Variants in ALK observed in about 807,000 individuals in gnomAD.
ALK encodes ALK tyrosine kinase receptor.
ALK carries 74 observed loss-of-function variants against 163.1 expected under a neutral mutation model. That is an observed-to-expected ratio of 0.45 (90% CI 0.38 to 0.55). ALK has a LOEUF of 0.55. Ranked by LOEUF, ALK falls within the 20% of genes least tolerant of loss-of-function variation. ALK has a pLI of 0.00. For missense variants in ALK, 2,063 were observed against 2,105.3 expected, an observed-to-expected ratio of 0.98 and a Z score of 0.39; for synonymous variants, 960 against 843.2, an observed-to-expected ratio of 1.14 and a Z score of -2.40.
chr2:29,402,576 G>A (rs1669474700), intron 4 of ALK, among the ~76,000 whole-genome samples: 1 of 152,154 alleles, frequency 6.6e-6, no homozygotes, highest in Non-Finnish European at 1.5e-5. Flanking sequence ...CGTATAATAG[G>A]TTTCTATTTT....
intron 4 of ALK, among the ~76,000 whole-genome samples, chr2:29,494,843 CGTGT>C (rs35306598): frequency 0.13 from 19,745 of 147,038 alleles, 1,444 homozygotes; most frequent in East Asian, 0.32. Flanking sequence ...TTTAGAGACT[CGTGT>C]GTGTGTGTGT....
At chr2:29,778,374 G>C (rs770846201) in intron 1 of ALK, among the ~76,000 whole-genome samples, 5 of 152,190 alleles carry the variant, frequency 3.3e-5, no homozygotes, top group Admixed American at 6.5e-5. Flanking sequence ...GTTGGACCAG[G>C]CTCCAAGGAA....
chr2:29,809,240 A>G (rs1451850748), intron 1 of ALK, among the ~76,000 whole-genome samples: 1 of 152,234 alleles, frequency 6.6e-6, no homozygotes, highest in East Asian at 1.9e-4. Context: ...TGTGTTGGGC[A>G]CCTACTATGT....
At chr2:29,891,649 G>A (rs563762209) in intron 1 of ALK, among the ~76,000 whole-genome samples, 1 of 152,256 alleles carries the variant, frequency 6.6e-6, no homozygotes, top group South Asian at 2.1e-4. Context: ...AGAAAATGCT[G>A]AATTCTGATG....
At chr2:29,456,644 T>C (rs1385066107) in intron 4 of ALK, among the ~76,000 whole-genome samples, 1 of 152,184 alleles carries the variant, frequency 6.6e-6, no homozygotes, top group Non-Finnish European at 1.5e-5. Context: ...CAGTAATGAT[T>C]GCACAATAAT....
At chr2:29,296,583 G>A (rs1216198313) in intron 9 of ALK, among the ~76,000 whole-genome samples, 2 of 152,240 alleles carry the variant, frequency 1.3e-5, no homozygotes, top group African/African-American at 4.8e-5. Context: ...TGGGGGAAAT[G>A]TGAGTTGTTC....
chr2:29,233,816 G>A, intron 13 of ALK, 120 bp from the exon 14 acceptor site: 1 of 1,336,894 alleles, frequency 7.5e-7, no homozygotes, highest in African/African-American at 1.4e-5. Flanking sequence ...TTACAGTTGA[G>A]TTGAGGAGGC....
chr2:29,861,282 A>G (rs1282737337), intron 1 of ALK, among the ~76,000 whole-genome samples: 1 of 152,242 alleles, frequency 6.6e-6, no homozygotes, highest in Admixed American at 6.5e-5. Flanking sequence ...AGCAGAAGGA[A>G]GAAAATAACA....
At chr2:29,210,398 A>C (rs1376446115) in intron 24 of ALK, among the ~76,000 whole-genome samples, 1 of 152,202 alleles carries the variant, frequency 6.6e-6, no homozygotes, top group Non-Finnish European at 1.5e-5. Context: ...CCTGAAATCA[A>C]ATTCAAGTAG....
intron 3 of ALK, among the ~76,000 whole-genome samples, chr2:29,659,769 T>C (rs758974973): frequency 1.3e-5 from 2 of 152,300 alleles, no homozygotes; most frequent in Non-Finnish European, 2.9e-5. Flanking sequence ...TATAACATAA[T>C]ACTACAGACC....
intron 1 of ALK, among the ~76,000 whole-genome samples, chr2:29,843,467 T>C: frequency 6.6e-6 from 1 of 152,058 alleles, no homozygotes. Flanking sequence ...GAGGCAGGAA[T>C]GATGGCAGGA....
At chr2:29,867,589 C>T (rs778975025) in intron 1 of ALK, among the ~76,000 whole-genome samples, 1 of 152,086 alleles carries the variant, frequency 6.6e-6, no homozygotes, top group Non-Finnish European at 1.5e-5. Context: ...GTTTTAAATT[C>T]CTTTATGAGG....
intron 8 of ALK, among the ~76,000 whole-genome samples, chr2:29,310,216 C>T (rs2148241474): frequency 6.6e-6 from 1 of 152,252 alleles, no homozygotes; most frequent in Non-Finnish European, 1.5e-5. Context: ...TGGTTTGAAT[C>T]ATGACTCTGC....
chr2:29,720,747 T>G (rs1296786071), intron 1 of ALK, among the ~76,000 whole-genome samples: 4 of 152,140 alleles, frequency 2.6e-5, no homozygotes, highest in Non-Finnish European at 5.9e-5. Flanking sequence ...ATCAAGCTCT[T>G]TACCCTTGCC....
chr2:29,828,433 T>C (rs1665261907), intron 1 of ALK, among the ~76,000 whole-genome samples: 2 of 152,280 alleles, frequency 1.3e-5, no homozygotes, highest in East Asian at 1.9e-4. Context: ...AGAGGGCTAA[T>C]ATCCAGAATC....
rs571141987 is a variant in ALK, at chr2:29,472,505, C to T, written c.1154+59410G>A. On this transcript the variant is annotated intron_variant, in intron 4 of 28. Transcript: ENST00000389048. ...ATACTTAATGATGAAATATTGAAAG[C>T]TTTCCCTTTGAATTAAGGAAGAAGA... 7.9e-5 allele frequency among the ~76,000 whole-genome samples: 12 copies of T among 152,290 alleles called. No individual in the cohort carries two copies. In the South Asian group the frequency reaches 2.3e-3, roughly 29 times the overall value.
intron 1 of ALK, among the ~76,000 whole-genome samples, chr2:29,764,622 C>G (rs1022902043): frequency 1.3e-5 from 2 of 152,174 alleles, no homozygotes; most frequent in African/African-American, 4.8e-5. Flanking sequence ...TGTTCTGTCA[C>G]TGGCTTAATA....
At chr2:29,655,959 C>G (rs903319496) in intron 3 of ALK, among the ~76,000 whole-genome samples, 1 of 152,014 alleles carries the variant, frequency 6.6e-6, no homozygotes, top group Non-Finnish European at 1.5e-5. Flanking sequence ...ATGCCTGTGT[C>G]CATATTTATA....
intron 4 of ALK, among the ~76,000 whole-genome samples, chr2:29,389,448 G>C (rs934911899): frequency 1.3e-5 from 2 of 152,196 alleles, no homozygotes; most frequent in African/African-American, 4.8e-5. Context: ...TGTGTGTTTG[G>C]AGAACAGGTG....
Sources: allele counts gnomAD v4.1 joint callset (sites outside exome capture counted in the v4.1 genomes callset), GRCh38; gene constraint gnomAD v4.1.1; transcripts MANE v1.5; gene names NCBI Gene and HGNC (gene_info 2026-07-23, HGNC 2026-07-21).